Variants in PLSCR4 observed in about 807,000 individuals in gnomAD.
The protein encoded by PLSCR4 is Ca(2+)-dependent phospholipid scramblase 4.
PLSCR4 carries 25 observed loss-of-function variants against 36.3 expected under a neutral mutation model. That is an observed-to-expected ratio of 0.69 (90% CI 0.50 to 0.96). The LOEUF (loss-of-function observed/expected upper bound fraction) is 0.96, where lower values mean the gene tolerates loss of function less well. PLSCR4 is among the 40% of genes least tolerant of loss of function. The pLI is 0.00. For missense variants in PLSCR4, 408 were observed against 414.7 expected, an observed-to-expected ratio of 0.98 and a Z score of 0.14; for synonymous variants, 122 against 132.9, an observed-to-expected ratio of 0.92 and a Z score of 0.56.
rs2034340842 is a variant in PLSCR4, at chr3:146,206,573, G to GC, written c.306dup (p.Pro103AlafsTer27). On this transcript the variant is annotated frameshift_variant, in exon 4 of 9. Transcript: ENST00000354952. LOFTEE classifies it high-confidence loss of function. ...GGAGGGCAGTTTGCCATAGGAGTTGGCCCTGGCATCCATGTTATTGGAACA... is the reference window on the plus strand; with the variant it reads ...GGAGGGCAGTTTGCCATAGGAGTTGGCCCCTGGCATCCATGTTATTGGAACA... 6 of 1,613,474 alleles carry GC rather than the reference G, an allele frequency of 3.7e-6. No individual in the cohort carries two copies. The highest frequency in any genetic ancestry group is 5.1e-6 in the Non-Finnish European group (6 of 1,179,616).
intron 1 of PLSCR4, among the ~76,000 whole-genome samples, chr3:146,225,798 G>A (rs35418885): frequency 0.32 from 49,165 of 152,012 alleles, 8,083 homozygotes; most frequent in Admixed American, 0.37. Context: ...GGTTGCCGCT[G>A]GCGCCTCTCC....
At chr3:146,202,056 C>T (rs55899853) in intron 4 of PLSCR4, among the ~76,000 whole-genome samples, 7,886 of 151,810 alleles carry the variant, frequency 0.052, 624 homozygotes, top group African/African-American at 0.17. Context: ...TACCTAAACA[C>T]GAATGTTTTA....
At chr3:146,235,020 T>C (rs544358474) in intron 1 of PLSCR4, among the ~76,000 whole-genome samples, 1 of 152,224 alleles carries the variant, frequency 6.6e-6, no homozygotes, top group South Asian at 2.1e-4. Flanking sequence ...GAAAATCAAT[T>C]AGCTCCATGG....
intron 2 of PLSCR4, among the ~76,000 whole-genome samples, chr3:146,221,750 C>A (rs1229688905): frequency 1.3e-5 from 2 of 152,140 alleles, no homozygotes; most frequent in Admixed American, 6.5e-5. Context: ...ATTACTACAA[C>A]CTCTCTTTGC....
At chr3:146,250,334 T>G (rs1158216640) in intron 1 of PLSCR4, among the ~76,000 whole-genome samples, 1 of 152,172 alleles carries the variant, frequency 6.6e-6, no homozygotes, top group Non-Finnish European at 1.5e-5. Context: ...GGCTCCATTC[T>G]AAATGCAGTA....
chr3:146,239,396 C>T (rs905996427), intron 1 of PLSCR4, among the ~76,000 whole-genome samples: 4 of 151,244 alleles, frequency 2.6e-5, no homozygotes, highest in Non-Finnish European at 4.4e-5. Context: ...ACCAAAGGAA[C>T]AGAAATGAGA....
rs371846246 is a variant in PLSCR4, at chr3:146,225,121, A to G, written c.-21-3029T>C. ...AGGCCCCACCAAAGCAGCTAGATAC[A>G]GAGTGTCCATTGGTGCACTCACAAA... On this transcript the variant is annotated intron_variant, in intron 1 of 8. Transcript: ENST00000354952. Among the ~76,000 whole-genome samples the G allele has an allele frequency of 5.5e-4, 83 of 152,262 alleles. 5 individuals carry two copies. The Middle Eastern group carries it at 0.01, about 19-fold the overall frequency.
chr3:146,225,908 G>T (rs1440997484), intron 1 of PLSCR4, among the ~76,000 whole-genome samples: 1 of 152,176 alleles, frequency 6.6e-6, no homozygotes, highest in Admixed American at 6.5e-5. Context: ...CTCCTCAAAT[G>T]CCGCCGAAGT....
At chr3:146,206,019 G>T (rs553873690) in intron 4 of PLSCR4, among the ~76,000 whole-genome samples, 22 of 152,106 alleles carry the variant, frequency 1.4e-4, no homozygotes, top group African/African-American at 4.8e-4. Context: ...CTGGAACTTG[G>T]CCTGAAGCAA....
At chr3:146,232,946 C>T (rs1448369815) in intron 1 of PLSCR4, among the ~76,000 whole-genome samples, 1 of 95,866 alleles carries the variant, frequency 1.0e-5, no homozygotes, top group African/African-American at 2.7e-5. Context: ...TATGCTTCCA[C>T]ATCTCTGGAC....
At chr3:146,220,066 A>C (rs1239759307) in intron 3 of PLSCR4, among the ~76,000 whole-genome samples, 1 of 152,214 alleles carries the variant, frequency 6.6e-6, no homozygotes, top group Non-Finnish European at 1.5e-5. Context: ...TATTTTAAAA[A>C]AATATTACTA....
chr3:146,236,324 A>G (rs1161974622), intron 1 of PLSCR4, among the ~76,000 whole-genome samples: 2 of 152,226 alleles, frequency 1.3e-5, no homozygotes, highest in African/African-American at 4.8e-5. Context: ...AAGCATGCAA[A>G]AATTCAAACA....
At chr3:146,243,679 T>C (rs1442947195) in intron 1 of PLSCR4, among the ~76,000 whole-genome samples, 1 of 152,174 alleles carries the variant, frequency 6.6e-6, no homozygotes, top group Non-Finnish European at 1.5e-5. Context: ...AGAGCATTCA[T>C]TCATCACAGA....
chr3:146,206,396 T>C (rs1384932914), intron 4 of PLSCR4, 130 bp downstream of exon 4: 2 of 654,944 alleles, frequency 3.1e-6, no homozygotes, highest in South Asian at 1.9e-5. Context: ...ACTGTTCTTA[T>C]AGTTTCACAA....
chr3:146,199,210 A>G (rs9830885), intron 6 of PLSCR4, among the ~76,000 whole-genome samples: 52,867 of 152,020 alleles, frequency 0.35, 9,249 homozygotes, highest in Admixed American at 0.38. Context: ...CATATCTAGA[A>G]TTCAGACTCT....
chr3:146,217,343 C>G (rs1468281173), intron 3 of PLSCR4, among the ~76,000 whole-genome samples: 2 of 152,158 alleles, frequency 1.3e-5, no homozygotes, highest in African/African-American at 4.8e-5. Context: ...GTTTTACAGG[C>G]AAACGGACAA....
At chr3:146,241,366 T>G (rs1008898685) in intron 1 of PLSCR4, among the ~76,000 whole-genome samples, 3 of 152,154 alleles carry the variant, frequency 2.0e-5, no homozygotes, top group Admixed American at 6.6e-5. Context: ...AAAAGAAAGC[T>G]GGAGTGGTTA....
intron 3 of PLSCR4, among the ~76,000 whole-genome samples, chr3:146,220,538 C>T (rs564311568): frequency 6.2e-4 from 94 of 152,286 alleles, no homozygotes; most frequent in African/African-American, 2.2e-3. Flanking sequence ...ATGTCAAATA[C>T]TGTCTTCTGT....
Position 146,194,370 on chromosome 3 carries a change from T to A in PLSCR4, c.*41A>T, listed in dbSNP as rs774929282. 2.1e-6 allele frequency: 3 copies of A among 1,454,948 alleles called. No individual in the cohort carries two copies. Among genetic ancestry groups the A allele is most frequent in the Non-Finnish European group, 2.9e-6 (3 of 1,036,808 alleles). The allele number at this position is 1,454,948 out of a possible 1,614,324, so 90.1% of individuals were successfully genotyped here. A position where few individuals can be genotyped will look rare whatever the true frequency, so the allele number is the denominator to read the frequency against. ...CTGTAAGCCCAATCCAACTTTTCCATTTTTCAAAATTAACCATAGTTGATG... is the reference window on the plus strand; with the variant it reads ...CTGTAAGCCCAATCCAACTTTTCCAATTTTCAAAATTAACCATAGTTGATG... On this transcript the variant is annotated 3_prime_UTR_variant, in exon 9 of 9. Transcript: ENST00000354952.
Sources: allele counts gnomAD v4.1 joint callset (sites outside exome capture counted in the v4.1 genomes callset), GRCh38; gene constraint gnomAD v4.1.1; transcripts MANE v1.5; gene names NCBI Gene and HGNC (gene_info 2026-07-23, HGNC 2026-07-21).